MYO5A: variants seen among roughly 807,000 people sequenced by gnomAD.
The protein encoded by MYO5A is myosin VA.
Under a neutral mutation model 249.7 loss-of-function variants are expected in MYO5A, and 98 were observed. That is an observed-to-expected ratio of 0.39 (90% CI 0.33 to 0.46). The LOEUF is 0.46. MYO5A is among the 20% of genes least tolerant of loss of function. The pLI, the probability that MYO5A is intolerant of heterozygous loss-of-function variation, is 0.98. For synonymous variants in MYO5A, 778 were observed against 810.6 expected (o/e 0.96, Z 0.68); for missense variants, 1,696 against 2,308.8 (o/e 0.73, Z 5.44).
intron 1 of MYO5A, among the ~76,000 whole-genome samples, chr15:52,480,452 T>C (rs991006856): frequency 9.9e-5 from 15 of 152,112 alleles, no homozygotes; most frequent in Non-Finnish European, 1.5e-4. Flanking sequence ...AACACCCCAT[T>C]TCCAAGAAAA....
intron 5 of MYO5A, among the ~76,000 whole-genome samples, chr15:52,414,544 TAA>T: frequency 6.6e-6 from 1 of 152,298 alleles, no homozygotes; most frequent in African/African-American, 2.4e-5. Flanking sequence ...ATTCTAGACT[TAA>T]GTTATCTTCA....
At chr15:52,421,563 A>T (rs2043794278) in intron 4 of MYO5A, among the ~76,000 whole-genome samples, 9 of 152,232 alleles carry the variant, frequency 5.9e-5, no homozygotes, top group Admixed American at 5.9e-4. Flanking sequence ...GGCTTGTCCA[A>T]GCCTGATGAC....
rs1185942814 is a variant in MYO5A, at chr15:52,310,984, G to C, written c.*2712C>G. ...CCCATCTGGAGCTCTGGGTAGACCTGGGAGGAAGCTGGAGCCCTGGAATAG... is the reference window on the plus strand; with the variant it reads ...CCCATCTGGAGCTCTGGGTAGACCTCGGAGGAAGCTGGAGCCCTGGAATAG... On this transcript the variant is annotated 3_prime_UTR_variant, in exon 42 of 42. Coordinates refer to ENST00000399233, the MANE Select transcript of MYO5A (RefSeq NM_001382347.1). 1 of 152,256 alleles carries C rather than the reference G, an allele frequency of 6.6e-6. No individual in the cohort carries two copies. The highest frequency in any genetic ancestry group is 2.4e-5 in the African/African-American group (1 of 41,410). 9.4% of individuals were successfully genotyped at this position (152,256 alleles called of 1,614,324 possible).
At chr15:52,513,520 G>A (rs1380345693) in intron 1 of MYO5A, among the ~76,000 whole-genome samples, 1 of 150,450 alleles carries the variant, frequency 6.6e-6, no homozygotes. Context: ...TACCTCCTGG[G>A]TTCAAGCGAT....
chr15:52,370,314 C>G lies in MYO5A; in HGVS notation c.2921G>C (p.Ser974Thr). The change falls in exon 22 of 42, where the codon AGT becomes ACT. Residue 974 changes from serine (S) to threonine (T), a missense_variant. Physicochemically the swap from Ser to Thr is moderately conservative, Grantham distance 58. Around this residue, in one of 5 missense-constraint regions of MYO5A, gnomAD observed 412 missense variants for 453.3 expected, o/e 0.91. Coordinates refer to ENST00000399233, the MANE Select transcript of MYO5A (RefSeq NM_001382347.1). ...AGTGGCAACTTTCGCTTCCTCTTCA[C>G]TTAGTTGAAGACGTTCTAAGTCACT... ...LRSDLERLQL[S>T]EEEAKVATGR... 1 of 1,614,126 alleles carries G rather than the reference C, an allele frequency of 6.2e-7. No individual in the cohort carries two copies. The highest frequency in any genetic ancestry group is 2.2e-5 in the East Asian group (1 of 44,872).
At chr15:52,413,803 G>C (rs145130130) in intron 5 of MYO5A, among the ~76,000 whole-genome samples, 7 of 152,154 alleles carry the variant, frequency 4.6e-5, no homozygotes, top group African/African-American at 1.7e-4. Context: ...AATTCTTATA[G>C]ATGAACAATT....
At chr15:52,434,375 A>C (rs2075615791) in intron 1 of MYO5A, among the ~76,000 whole-genome samples, 1 of 152,118 alleles carries the variant, frequency 6.6e-6, no homozygotes, top group South Asian at 2.1e-4. Flanking sequence ...ATCCTTCAGG[A>C]GCCATCACAG....
At chr15:52,329,359 C>A (rs2038760771) in intron 35 of MYO5A, among the ~76,000 whole-genome samples, 1 of 152,204 alleles carries the variant, frequency 6.6e-6, no homozygotes, top group Non-Finnish European at 1.5e-5. Context: ...CACCCTGGCA[C>A]CTGGCGGGAG....
chr15:52,376,414 T>G lies in MYO5A; in HGVS notation c.2353A>C (p.Lys785Gln), dbSNP rs2041418666. ...KTIRGWLLRK[K>Q]YLRMRKAAIT... ...GCTGCCTTCCGCATGCGTAGGTACTTCTTTCTCAGCAGCCACCCTCGGATG... is the reference window on the plus strand; with the variant it reads ...GCTGCCTTCCGCATGCGTAGGTACTGCTTTCTCAGCAGCCACCCTCGGATG... The change falls in exon 19 of 42, where the codon AAG becomes CAG. Residue 785 changes from lysine to glutamine, a missense_variant. This residue lies in a region of MYO5A where 412 missense variants were observed against 453.3 expected (regional missense o/e 0.91). Coordinates refer to ENST00000399233, the MANE Select transcript of MYO5A (RefSeq NM_001382347.1). 6.2e-7 allele frequency: 1 copy of G among 1,614,018 alleles called. No homozygotes were observed. The highest frequency in any genetic ancestry group is 1.3e-5 in the African/African-American group (1 of 74,908).
Position 52,428,503 on chromosome 15 carries a change from C to G in MYO5A, c.205G>C (p.Val69Leu). The G allele has an allele frequency of 6.2e-7, 1 of 1,614,136 alleles. No homozygotes were observed. The highest frequency in any genetic ancestry group is 8.5e-7 in the Non-Finnish European group (1 of 1,179,990). Residue 69 changes from valine (V) to leucine (L), a missense_variant, in exon 3 of 42, where the codon GTT (valine) becomes CTT (leucine). Around this residue, in one of 5 missense-constraint regions of MYO5A, gnomAD observed 197 missense variants for 320.3 expected, o/e 0.62. Transcript: ENST00000399233. ...LPHLRNPDILVGENDLTALSY... is the reference protein window; with the variant it reads ...LPHLRNPDILLGENDLTALSY... ...AGGGCTGTGAGGTCATTTTCACCAA[C>G]AAGTATGTCAGGATTTCGTAAGTGA...
chr15:52,489,472 G>A (rs760259980), intron 1 of MYO5A, among the ~76,000 whole-genome samples: 1 of 151,880 alleles, frequency 6.6e-6, no homozygotes, highest in East Asian at 1.9e-4. Context: ...GCGGAGGCAG[G>A]AGAACTGCTT....
intron 1 of MYO5A, among the ~76,000 whole-genome samples, chr15:52,468,437 T>C (rs2076393923): frequency 6.6e-6 from 1 of 152,228 alleles, no homozygotes; most frequent in Non-Finnish European, 1.5e-5. Context: ...GTGGGAGTAC[T>C]GCTTGAGCCC....
At chr15:52,415,953 G>T in intron 5 of MYO5A, 192 bp downstream of exon 5, 1 of 675,030 alleles carries the variant, frequency 1.5e-6, no homozygotes, top group Non-Finnish European at 2.5e-6. Context: ...CTATAGCTGG[G>T]CTTTACTAAA....
At chr15:52,377,116 T>A (rs764607922) in intron 18 of MYO5A, among the ~76,000 whole-genome samples, 1 of 152,174 alleles carries the variant, frequency 6.6e-6, no homozygotes, top group African/African-American at 2.4e-5. Flanking sequence ...CAAAACCCCA[T>A]AAATATGTTT....
intron 1 of MYO5A, among the ~76,000 whole-genome samples, chr15:52,477,560 T>G (rs2076623550): frequency 6.6e-6 from 1 of 152,226 alleles, no homozygotes; most frequent in African/African-American, 2.4e-5. Flanking sequence ...CTTTGGTCTT[T>G]AGTGATGGTG....
chr15:52,402,571 G>A (rs757171904), intron 9 of MYO5A, among the ~76,000 whole-genome samples: 14 of 152,176 alleles, frequency 9.2e-5, no homozygotes, highest in African/African-American at 3.1e-4. Context: ...AAGGCCAGGC[G>A]CAGTGGCTCA....
intron 34 of MYO5A, 63 bp downstream of exon 34, chr15:52,336,400 T>C: frequency 9.1e-7 from 1 of 1,095,942 alleles, no homozygotes; most frequent in Non-Finnish European, 1.4e-6. Context: ...TTATATAGCC[T>C]AGTCTTTAAG....
chr15:52,324,887 A>C (rs1186544308), intron 36 of MYO5A, among the ~76,000 whole-genome samples: 1 of 152,212 alleles, frequency 6.6e-6, no homozygotes, highest in Non-Finnish European at 1.5e-5. Context: ...AGACAGAATT[A>C]CTGAGTTCAG....
intron 1 of MYO5A, among the ~76,000 whole-genome samples, chr15:52,487,718 T>C (rs1613925): frequency 0.76 from 110,022 of 144,584 alleles, 42,475 homozygotes; most frequent in Non-Finnish European, 0.84. Flanking sequence ...AACGAGACTC[T>C]GTCTCAAAAA....
Sources: gnomAD v4.1 joint callset for allele counts (sites outside exome capture counted in the v4.1 genomes callset) on GRCh38, gnomAD v4.1.1 for gene constraint, gnomAD v4.1.1 regional missense constraint, MANE v1.5 for transcripts, NCBI Gene and HGNC (gene_info 2026-07-23, HGNC 2026-07-21) for gene names.